The following ANKRD30A variants were observed in gnomAD, a reference collection of about 807,000 sequenced individuals.
The protein encoded by ANKRD30A is ankyrin repeat domain 30A.
A neutral mutation model predicts 166.3 loss-of-function variants in ANKRD30A; 170 were observed. The ratio of observed to expected loss-of-function variants is 1.02; its 90% CI spans 0.90 to 1.16. The LOEUF is 1.16. Ranked by LOEUF, ANKRD30A falls within the 50% of genes most tolerant of loss-of-function variation. The pLI, the probability that ANKRD30A is intolerant of heterozygous loss-of-function variation, is 0.00. For synonymous variants in ANKRD30A, 564 were observed against 508.9 expected, an observed-to-expected ratio of 1.11 and a Z score of -1.46; for missense variants, 1,630 against 1,518.0, an observed-to-expected ratio of 1.07 and a Z score of -1.23.
intron 31 of ANKRD30A, among the ~76,000 whole-genome samples, chr10:37,213,967 C>T (rs1383945927): frequency 6.6e-6 from 1 of 151,544 alleles, no homozygotes; most frequent in East Asian, 1.9e-4. Flanking sequence ...ACATTCTTGC[C>T]GATTTTCTGC....
At chr10:37,213,191 G>A (rs1396428439) in intron 31 of ANKRD30A, among the ~76,000 whole-genome samples, 2 of 151,732 alleles carry the variant, frequency 1.3e-5, no homozygotes, top group Non-Finnish European at 2.9e-5. Flanking sequence ...GAGCTTATCG[G>A]CAACATAAAT....
chr10:37,163,202 C>T (rs963458784), intron 17 of ANKRD30A, among the ~76,000 whole-genome samples: 6 of 129,870 alleles, frequency 4.6e-5, no homozygotes, highest in Non-Finnish European at 9.7e-5. Flanking sequence ...CGGTTTACTT[C>T]GGGGATCCCA....
chr10:37,239,307 T>C, the ANKRD30A span, among the ~76,000 whole-genome samples: 1 of 152,156 alleles, frequency 6.6e-6, no homozygotes, highest in African/African-American at 2.4e-5. Flanking sequence ...AAACTGGTTC[T>C]ACCTATATTT....
At chr10:37,167,516 T>A (rs1057455489) in intron 19 of ANKRD30A, among the ~76,000 whole-genome samples, 1 of 151,652 alleles carries the variant, frequency 6.6e-6, no homozygotes, top group Non-Finnish European at 1.5e-5. Flanking sequence ...AAATTGTTGT[T>A]ATTCGTAGGT....
At chr10:37,163,285 A>G (rs1839073222) in intron 17 of ANKRD30A, among the ~76,000 whole-genome samples, 1 of 94,522 alleles carries the variant, frequency 1.1e-5, no homozygotes, top group African/African-American at 4.3e-5. Flanking sequence ...TGAGAATCCT[A>G]AGAAAATCAG....
At chr10:37,264,892 C>T in the ANKRD30A span, among the ~76,000 whole-genome samples, 2 of 152,180 alleles carry the variant, frequency 1.3e-5, no homozygotes, top group Non-Finnish European at 1.5e-5. Context: ...ACTTACCTGG[C>T]ATGTCCACAT....
chr10:37,264,560 C>A, the ANKRD30A span: 3 of 464,428 alleles, frequency 6.5e-6, no homozygotes, highest in Non-Finnish European at 7.0e-6. Context: ...GGGAAGCATG[C>A]TGACCAGTCT....
intron 29 of ANKRD30A, among the ~76,000 whole-genome samples, chr10:37,198,617 A>G (rs1322976688): frequency 2.0e-5 from 3 of 152,106 alleles, no homozygotes; most frequent in Non-Finnish European, 4.4e-5. Context: ...AACACGTTGT[A>G]TCTCTGAAAC....
At chr10:37,129,603 G>A (rs545119921) in intron 1 of ANKRD30A, among the ~76,000 whole-genome samples, 1 of 152,236 alleles carries the variant, frequency 6.6e-6, no homozygotes, top group South Asian at 2.1e-4. Context: ...GAAAATTGAG[G>A]TGCAGAAAGT....
In ANKRD30A at chr10:37,149,784, T is replaced by C. The variant is rs192432374; in HGVS notation, c.1580T>C (p.Ile527Thr). Reference protein sequence around the residue: ...PKKPSAFKPAIEMQNSVPNKA... With the variant: ...PKKPSAFKPATEMQNSVPNKA... ...GCTTCCAACCCCATTTAGCCTGCCA[T>C]TGAAATGCAAAACTCTGTTCCAAAT... The change falls in exon 11 of 36, where the codon ATT becomes ACT. Residue 527 changes from isoleucine (I) to threonine (T), a missense_variant. Around this residue, in one of 4 missense-constraint regions of ANKRD30A, gnomAD observed 904 missense variants for 818.5 expected, o/e 1.10. Coordinates refer to ENST00000361713, the MANE Select transcript of ANKRD30A (RefSeq NM_052997.3). 2.7e-3 allele frequency: 4,428 copies of C among 1,612,992 alleles called. 20 individuals are homozygous for C. Among genetic ancestry groups the C allele is most frequent in the Non-Finnish European group, 2.3e-3 (2,744 of 1,179,166 alleles).
At chr10:37,194,665 A>G (rs1238835362) in intron 27 of ANKRD30A, among the ~76,000 whole-genome samples, 1 of 152,046 alleles carries the variant, frequency 6.6e-6, no homozygotes, top group Non-Finnish European at 1.5e-5. Context: ...ATTTTCAATA[A>G]ATAGTTGTAC....
At chr10:37,251,420 A>G in the ANKRD30A span, among the ~76,000 whole-genome samples, 1 of 152,302 alleles carries the variant, frequency 6.6e-6, no homozygotes, top group African/African-American at 2.4e-5. Flanking sequence ...GGTGCTGTCA[A>G]AGCCAAAGGA....
At chr10:37,199,528 T>G (rs1200475223) in intron 29 of ANKRD30A, among the ~76,000 whole-genome samples, 199 bp from the exon 30 acceptor site, 3 of 152,082 alleles carry the variant, frequency 2.0e-5, no homozygotes, top group Non-Finnish European at 4.4e-5. Context: ...TCTAATGAAA[T>G]AATGTTAATT....
intron 31 of ANKRD30A, among the ~76,000 whole-genome samples, chr10:37,212,967 A>G (rs1480054016): frequency 2.6e-5 from 4 of 151,874 alleles, no homozygotes; most frequent in African/African-American, 7.2e-5. Flanking sequence ...AAGTATCTGT[A>G]GAATCTTAAA....
At chr10:37,200,401 T>C (rs778919097) in intron 30 of ANKRD30A, among the ~76,000 whole-genome samples, 1 of 152,054 alleles carries the variant, frequency 6.6e-6, no homozygotes, top group Non-Finnish European at 1.5e-5. Flanking sequence ...CTTGAGTCCC[T>C]TTATGACAGT....
intron 32 of ANKRD30A, 115 bp downstream of exon 32, chr10:37,216,509 G>A (rs910580769): frequency 8.4e-6 from 8 of 953,806 alleles, no homozygotes; most frequent in Non-Finnish European, 1.1e-5. Context: ...AAAAATGTCT[G>A]TCTTGTAGAG....
intron 7 of ANKRD30A, among the ~76,000 whole-genome samples, chr10:37,144,738 G>A (rs190697085): frequency 2.0e-3 from 299 of 152,178 alleles, no homozygotes; most frequent in Middle Eastern, 3.4e-3. Context: ...GACTTCTTTT[G>A]TGAAGAAATA....
chr10:37,189,812 A>G (rs1840381301), intron 25 of ANKRD30A, among the ~76,000 whole-genome samples: 1 of 151,140 alleles, frequency 6.6e-6, no homozygotes, highest in Admixed American at 6.6e-5. Context: ...AAAATAAGAA[A>G]GAAGAAAGTA....
At chr10:37,232,693 T>TATATATATATATATAA (rs1491500759), downstream of ANKRD30A, 11 of 9,124 alleles carry the variant, frequency 1.2e-3, no homozygotes, top group Non-Finnish European at 1.9e-3. Context: ...TATATATATA[T>TATATATATATATATAA]AAATAGAGAG....
Sources: allele counts gnomAD v4.1 joint callset (sites outside exome capture counted in the v4.1 genomes callset), GRCh38; gene constraint gnomAD v4.1.1; regional missense constraint gnomAD v4.1.1; transcripts MANE v1.5; gene names NCBI Gene and HGNC (gene_info 2026-07-23, HGNC 2026-07-21).